Variants in EEF1AKMT1 observed in about 807,000 individuals in gnomAD.
The protein encoded by EEF1AKMT1 is EEF1A lysine methyltransferase 1.
EEF1AKMT1 carries 18 observed loss-of-function variants against 21.0 expected under a neutral mutation model. That is an observed-to-expected ratio of 0.86 (90% CI 0.59 to 1.27). The LOEUF (loss-of-function observed/expected upper bound fraction) is 1.27. EEF1AKMT1 is among the 50% of genes most tolerant of loss of function. The probability of loss-of-function intolerance (pLI) is 0.00; values close to 1 mark genes in which losing one functional copy is unlikely to be tolerated. For synonymous variants in EEF1AKMT1, 109 were observed against 94.8 expected, an observed-to-expected ratio of 1.15 and a Z score of -0.87; for missense variants, 246 against 258.6, an observed-to-expected ratio of 0.95 and a Z score of 0.33.
At chr13:20,738,907 T>C (rs769615092) in intron 2 of EEF1AKMT1, among the ~76,000 whole-genome samples, 8 of 133,232 alleles carry the variant, frequency 6.0e-5, no homozygotes, top group South Asian at 2.1e-4. Context: ...ACTGTGGTGA[T>C]AGTTGTGTGT....
intron 2 of EEF1AKMT1, among the ~76,000 whole-genome samples, chr13:20,738,545 G>A (rs549783499): frequency 2.6e-5 from 4 of 152,282 alleles, no homozygotes; most frequent in Admixed American, 2.0e-4. Context: ...CAACTGGGGG[G>A]TTCTCTGCTT....
At chr13:20,733,274 T>G (rs920630758) in intron 3 of EEF1AKMT1, among the ~76,000 whole-genome samples, 5 of 152,136 alleles carry the variant, frequency 3.3e-5, no homozygotes, top group African/African-American at 1.2e-4. Context: ...TTTTGTAATT[T>G]TAGCAGAGAC....
At chr13:20,752,249 C>T (rs1005248034) in intron 2 of EEF1AKMT1, among the ~76,000 whole-genome samples, 1 of 151,952 alleles carries the variant, frequency 6.6e-6, no homozygotes, top group African/African-American at 2.4e-5. Context: ...AGACTTTCAG[C>T]TTTTCCCCAT....
At chr13:20,766,298 C>CAAAAAAAAAAAAAAAAAAAAAAAA (rs35866979) in intron 1 of EEF1AKMT1, among the ~76,000 whole-genome samples, 5 of 76,752 alleles carry the variant, frequency 6.5e-5, no homozygotes, top group Non-Finnish European at 1.1e-4. Flanking sequence ...GACTCCATCT[C>CAAAAAAAAAAAAAAAAAAAAAAAA]AAAAAAAAAA....
intron 4 of EEF1AKMT1, among the ~76,000 whole-genome samples, chr13:20,729,560 A>ACATTTCC (rs2058779997): frequency 6.6e-6 from 1 of 152,102 alleles, no homozygotes; most frequent in Non-Finnish European, 1.5e-5. Flanking sequence ...ACTAAAAACT[A>ACATTTCC]CATTTCCCAA....
intron 4 of EEF1AKMT1, among the ~76,000 whole-genome samples, chr13:20,731,408 A>G (rs2058794869): frequency 6.6e-6 from 1 of 152,224 alleles, no homozygotes; most frequent in Non-Finnish European, 1.5e-5. Flanking sequence ...GAGGTTACAG[A>G]GAGAAAAAAA....
intron 1 of EEF1AKMT1, among the ~76,000 whole-genome samples, chr13:20,768,305 T>G (rs1406983133): frequency 6.6e-6 from 1 of 152,216 alleles, no homozygotes; most frequent in Non-Finnish European, 1.5e-5. Context: ...TTAAGACTGT[T>G]AGATAAGAGC....
At chr13:20,731,807 G>A (rs978370525) in intron 4 of EEF1AKMT1, 34 bp downstream of exon 4, 4 of 1,583,752 alleles carry the variant, frequency 2.5e-6, no homozygotes, top group Non-Finnish European at 3.4e-6. Context: ...GCCACTGTCA[G>A]TGACTTTGAT....
intron 2 of EEF1AKMT1, among the ~76,000 whole-genome samples, chr13:20,753,235 T>C (rs2058952644): frequency 6.6e-6 from 1 of 152,148 alleles, no homozygotes; most frequent in South Asian, 2.1e-4. Context: ...CCCTGTATTT[T>C]TAGTTTCCAA....
chr13:20,762,912 T>G (rs538730065), intron 1 of EEF1AKMT1, among the ~76,000 whole-genome samples: 1 of 152,338 alleles, frequency 6.6e-6, no homozygotes, highest in African/African-American at 2.4e-5. Context: ...CTTTTTGATA[T>G]CAACTTATAC....
chr13:20,729,711 C>A (rs1051939224), intron 4 of EEF1AKMT1, among the ~76,000 whole-genome samples: 6 of 152,156 alleles, frequency 3.9e-5, no homozygotes, highest in Non-Finnish European at 7.4e-5. Context: ...TGCGACATCC[C>A]CACAGGAGGT....
chr13:20,766,699 G>A (rs2059035076), intron 1 of EEF1AKMT1, among the ~76,000 whole-genome samples: 1 of 152,048 alleles, frequency 6.6e-6, no homozygotes, highest in South Asian at 2.1e-4. Context: ...GCAGGCGCCT[G>A]TAGTCCCAGC....
intron 2 of EEF1AKMT1, among the ~76,000 whole-genome samples, chr13:20,739,301 G>C (rs978861014): frequency 9.9e-5 from 15 of 152,254 alleles, no homozygotes; most frequent in South Asian, 4.2e-4. Context: ...TTTATTGTGA[G>C]GAGCAAAAGA....
chr13:20,760,683 AAAAAT>A (rs2058996976), intron 1 of EEF1AKMT1, among the ~76,000 whole-genome samples: 2 of 148,330 alleles, frequency 1.3e-5, no homozygotes, highest in South Asian at 2.3e-4. Context: ...ATCTAAAATT[AAAAAT>A]AAAATATGTT....
In EEF1AKMT1 at chr13:20,729,279, G is replaced by A. The variant is rs906472896; in HGVS notation, c.509-63C>T. 1.0e-5 allele frequency: 16 copies of A among 1,600,270 alleles called. No homozygotes were observed. In the African/African-American group the frequency reaches 1.7e-4, roughly 17 times the overall value. ...ACCCAGCCGGAGCTCAGTGCGTCCT[G>A]AGCTGTGAGAGGGGCTCTAGGCGGA... On this transcript the variant is annotated intron_variant, in intron 4 of 4. Coordinates refer to ENST00000382758, the MANE Select transcript of EEF1AKMT1 (RefSeq NM_001318939.2).
chr13:20,769,410 T>A (rs939408775), intron 1 of EEF1AKMT1: 2 of 152,220 alleles, frequency 1.3e-5, no homozygotes, highest in Non-Finnish European at 2.9e-5. Flanking sequence ...CTGGCTAAAG[T>A]GACCTCCAGC....
intron 3 of EEF1AKMT1, 123 bp downstream of exon 3, chr13:20,737,600 C>T (rs1248888884): frequency 4.9e-6 from 4 of 812,998 alleles, no homozygotes; most frequent in Non-Finnish European, 7.9e-6. Flanking sequence ...CTGTCATATG[C>T]TGCAAACCAT....
At chr13:20,741,480 T>C (rs183805321) in intron 2 of EEF1AKMT1, among the ~76,000 whole-genome samples, 4,365 of 139,968 alleles carry the variant, frequency 0.031, 98 homozygotes, top group Non-Finnish European at 0.048. Flanking sequence ...TTTTTTGAGA[T>C]GGAGTCTTGC....
At chr13:20,741,570 C>A (rs949741246) in intron 2 of EEF1AKMT1, among the ~76,000 whole-genome samples, 4 of 151,096 alleles carry the variant, frequency 2.6e-5, no homozygotes, top group African/African-American at 9.8e-5. Context: ...AGTTCTCCTG[C>A]CTCAGCCTCC....
Sources: allele counts gnomAD v4.1 joint callset (sites outside exome capture counted in the v4.1 genomes callset), GRCh38; gene constraint gnomAD v4.1.1; transcripts MANE v1.5; gene names NCBI Gene and HGNC (gene_info 2026-07-23, HGNC 2026-07-21).